Variants in PDCD10 observed in about 807,000 individuals in gnomAD.
The protein encoded by PDCD10 is programmed cell death protein 10.
Under a neutral mutation model 29.2 loss-of-function variants are expected in PDCD10, and 4 were observed. The observed-to-expected ratio is 0.14, with a 90% confidence interval of 0.07 to 0.31. The LOEUF is 0.31. PDCD10 is among the 10% of genes least tolerant of loss of function. PDCD10 has a pLI of 1.00. For missense variants in PDCD10, 183 were observed against 257.9 expected (o/e 0.71, Z 1.99); for synonymous variants, 70 against 82.2 (o/e 0.85, Z 0.80).
At chr3:167,684,695 GT>G (rs2108364458) in intron 8 of PDCD10, among the ~76,000 whole-genome samples, 1 of 152,216 alleles carries the variant, frequency 6.6e-6, no homozygotes, top group Admixed American at 6.5e-5. Flanking sequence ...GGATTCAGAT[GT>G]GGTCTCCAGC....
intron 3 of PDCD10, among the ~76,000 whole-genome samples, chr3:167,705,561 G>A (rs1259798988): frequency 6.6e-6 from 1 of 152,030 alleles, no homozygotes; most frequent in Non-Finnish European, 1.5e-5. Context: ...TTCTAAACAA[G>A]ACAGTTACAA....
Position 167,686,231 on chromosome 3 carries a change from G to A in PDCD10, c.557+1003C>T, listed in dbSNP as rs148949029. 1.8e-4 allele frequency among the ~76,000 whole-genome samples: 28 copies of A among 152,274 alleles called. 1 individual carries two copies. The East Asian group carries it at 5.2e-3, about 28-fold the overall frequency. On this transcript the variant is annotated intron_variant, in intron 8 of 8. Coordinates refer to ENST00000392750, the MANE Select transcript of PDCD10 (RefSeq NM_007217.4). ...CCATCAGTTTATACATTATACGTATGCATGTATGTATGTTAAAATATATAA... is the reference window on the plus strand; with the variant it reads ...CCATCAGTTTATACATTATACGTATACATGTATGTATGTTAAAATATATAA...
intron 8 of PDCD10, 96 bp downstream of exon 8, chr3:167,687,138 A>G (rs983584572): frequency 3.3e-5 from 22 of 676,186 alleles, no homozygotes; most frequent in African/African-American, 2.7e-4. Context: ...AGTACTAATA[A>G]TAAAATAAAA....
At chr3:167,689,875 A>G (rs954823828) in intron 6 of PDCD10, among the ~76,000 whole-genome samples, 5 of 152,162 alleles carry the variant, frequency 3.3e-5, no homozygotes, top group African/African-American at 1.2e-4. Flanking sequence ...ATCTGCAGCA[A>G]TGTATGTCAA....
intron 2 of PDCD10, among the ~76,000 whole-genome samples, chr3:167,724,886 C>G (rs1160010737): frequency 6.6e-6 from 1 of 152,158 alleles, no homozygotes; most frequent in African/African-American, 2.4e-5. Context: ...TAAGGAGGTC[C>G]TCCCCAAGAG....
At chr3:167,721,966 T>C (rs991191370) in intron 2 of PDCD10, among the ~76,000 whole-genome samples, 1 of 152,104 alleles carries the variant, frequency 6.6e-6, no homozygotes, top group Non-Finnish European at 1.5e-5. Context: ...AAGAAGTAGA[T>C]AAATACCAAT....
intron 6 of PDCD10, among the ~76,000 whole-genome samples, chr3:167,690,844 G>T (rs902746782): frequency 6.6e-5 from 10 of 152,156 alleles, no homozygotes; most frequent in Admixed American, 6.5e-5. Flanking sequence ...AAACTAAAAT[G>T]ACAGAAGTTA....
chr3:167,716,138 A>G (rs1276510152), intron 3 of PDCD10, among the ~76,000 whole-genome samples: 1 of 152,022 alleles, frequency 6.6e-6, no homozygotes, highest in African/African-American at 2.4e-5. Flanking sequence ...AACCAAGGTC[A>G]TTATGTCAAG....
Position 167,720,280 on chromosome 3 carries a change from AAAGAGGAAGAAAG to A in PDCD10, c.-116-20_-116-8del. 1.5e-6 allele frequency: 1 copy of A among 688,028 alleles called. No individual in the cohort carries two copies. The highest frequency in any genetic ancestry group is 1.6e-5 in the South Asian group (1 of 62,962). The allele number at this position is 688,028 out of a possible 1,614,324, so 42.6% of individuals were successfully genotyped here. A position where few individuals can be genotyped will look rare whatever the true frequency, so the allele number is the denominator to read the frequency against. On this transcript the variant is annotated splice_polypyrimidine_tract_variant and splice_region_variant and intron_variant, in intron 2 of 8. Transcript: ENST00000392750. ...ACACAAAAAACACACTGATCTGGTG[AAAGAGGAAGAAAG>A]AACAGAGACTTACTATATTAAGGAG...
intron 3 of PDCD10, among the ~76,000 whole-genome samples, chr3:167,710,814 T>C (rs569225293): frequency 6.6e-6 from 1 of 152,242 alleles, no homozygotes; most frequent in East Asian, 1.9e-4. Flanking sequence ...AACAGGGGTG[T>C]CACCCCTCCC....
At position 167,703,334 on chromosome 3, in the gene PDCD10, G is replaced by A. The variant is rs369632383; in HGVS notation, c.150+1508C>T. On this transcript the variant is annotated intron_variant, in intron 4 of 8. Transcript: ENST00000392750. ...CATTAACCCAATGATTTGGCAGGAT[G>A]CAATTTAATGAAGCTACTAAATATA... Among the ~76,000 whole-genome samples the A allele has an allele frequency of 5.9e-5, 9 of 152,122 alleles. No individual in the cohort carries two copies. The South Asian group carries it at 1.7e-3, about 28-fold the overall frequency.
intron 3 of PDCD10, among the ~76,000 whole-genome samples, chr3:167,713,874 G>A (rs914377164): frequency 3.3e-5 from 5 of 151,828 alleles, no homozygotes; most frequent in African/African-American, 1.2e-4. Flanking sequence ...AACCTGAACA[G>A]GCCAATAACC....
At chr3:167,715,060 C>CA (rs779831447) in intron 3 of PDCD10, among the ~76,000 whole-genome samples, 319 of 143,226 alleles carry the variant, frequency 2.2e-3, no homozygotes, top group Middle Eastern at 6.9e-3. Flanking sequence ...CATCTACTGG[C>CA]AAAAAAAAAA....
intron 5 of PDCD10, 52 bp downstream of exon 5, chr3:167,696,957 G>T: frequency 1.1e-6 from 1 of 894,834 alleles, no homozygotes; most frequent in South Asian, 1.3e-5. Context: ...TGATTTAGAG[G>T]AAGTGCTATT....
At chr3:167,708,240 C>T (rs902911691) in intron 3 of PDCD10, among the ~76,000 whole-genome samples, 1 of 151,282 alleles carries the variant, frequency 6.6e-6, no homozygotes, top group African/African-American at 2.4e-5. Flanking sequence ...CTACACTTTT[C>T]CAGCATCAAG....
intron 2 of PDCD10, among the ~76,000 whole-genome samples, chr3:167,723,791 T>C (rs1311458667): frequency 3.3e-5 from 5 of 152,236 alleles, no homozygotes; most frequent in African/African-American, 1.2e-4. Context: ...GGCATACTTT[T>C]AAACACACTT....
intron 4 of PDCD10, 194 bp downstream of exon 4, chr3:167,704,648 T>G: frequency 3.9e-6 from 2 of 511,874 alleles, no homozygotes; most frequent in Non-Finnish European, 7.0e-6. Context: ...GATGAAAAGA[T>G]GAATGCTAAC....
At chr3:167,710,538 A>G (rs979543440) in intron 3 of PDCD10, among the ~76,000 whole-genome samples, 3 of 152,214 alleles carry the variant, frequency 2.0e-5, no homozygotes, top group Admixed American at 6.5e-5. Flanking sequence ...CCACAGTAGG[A>G]AAGAACACTA....
At chr3:167,692,021 C>T (rs574596122) in intron 6 of PDCD10, among the ~76,000 whole-genome samples, 5 of 152,266 alleles carry the variant, frequency 3.3e-5, no homozygotes, top group African/African-American at 1.2e-4. Flanking sequence ...AAACCTACTT[C>T]GATGATCTGA....
Sources: allele counts gnomAD v4.1 joint callset (sites outside exome capture counted in the v4.1 genomes callset), GRCh38; gene constraint gnomAD v4.1.1; transcripts MANE v1.5; gene names NCBI Gene and HGNC (gene_info 2026-07-23, HGNC 2026-07-21).